The following NBEAL2 variants were observed in gnomAD, a reference collection of about 807,000 sequenced individuals.
The protein encoded by NBEAL2 is neurobeachin like 2, also known as neurobeachin-like protein 2.
In NBEAL2, 160 loss-of-function variants were observed where a neutral mutation model predicts 299.8. That is an observed-to-expected ratio of 0.53 (90% CI 0.47 to 0.61). The LOEUF is 0.61. Among genes scored for constraint, NBEAL2 ranks in the 20% least tolerant of loss-of-function variants. The pLI is 0.00. For missense variants in NBEAL2, 3,112 were observed against 3,649.0 expected, an observed-to-expected ratio of 0.85 and a Z score of 3.79; for synonymous variants, 1,493 against 1,542.3, an observed-to-expected ratio of 0.97 and a Z score of 0.75.
chr3:47,008,645 C>T lies in NBEAL2; in HGVS notation c.8004C>T (p.Ala2668=), dbSNP rs1217615032. The part of the protein sequence containing the change: ...DFVLLGTAQC[A]LHILQLNTLL... ...TGTTGCTGGGCACCGCCCAGTGCGCCCTGCACATCCTCCAACTAAACACGT... is the reference window on the plus strand; with the variant it reads ...TGTTGCTGGGCACCGCCCAGTGCGCTCTGCACATCCTCCAACTAAACACGT... Residue 2668 remains alanine (A), a synonymous_variant, in exon 52 of 54, where the codon GCC becomes GCT. Coordinates refer to ENST00000450053, the MANE Select transcript of NBEAL2 (RefSeq NM_015175.3). 6.2e-7 allele frequency: 1 copy of T among 1,613,374 alleles called. No individual in the cohort carries two copies. Among genetic ancestry groups the T allele is most frequent in the South Asian group, 1.1e-5 (1 of 91,084 alleles).
In NBEAL2 at chr3:47,009,661, C is replaced by T. The variant is rs1045677290; in HGVS notation, c.*341C>T. On this transcript the variant is annotated 3_prime_UTR_variant, in exon 54 of 54. Transcript: ENST00000450053. ...TGGCCTTAATTCCTAACGGCGGCCCCGGTTCTCCCTTCTCGGCAATAAACC... is the reference window on the plus strand; with the variant it reads ...TGGCCTTAATTCCTAACGGCGGCCCTGGTTCTCCCTTCTCGGCAATAAACC... The T allele has an allele frequency of 3.3e-5, 11 of 333,308 alleles. No homozygotes were observed. The Admixed American group carries it at 5.3e-4, about 16-fold the overall frequency. 20.6% of individuals were successfully genotyped at this position (333,308 alleles called of 1,614,324 possible). A position where few individuals can be genotyped will look rare whatever the true frequency, so the allele number is the denominator to read the frequency against.
In NBEAL2 at chr3:46,991,750, A is replaced by G. The variant is rs2036108342; in HGVS notation, c.925+62A>G. The G allele has an allele frequency of 7.7e-6, 12 of 1,567,828 alleles. No homozygotes were observed. Among genetic ancestry groups the G allele is most frequent in the Admixed American group, 1.9e-5 (1 of 53,186 alleles). ...CCATGAGGGAAAAGCCTAAGTGATG[A>G]TGGAAGGTCTGGATAGGGCAGCATA... On this transcript the variant is annotated intron_variant, in intron 8 of 53. Transcript: ENST00000450053. The surrounding 1 kb of genome is among the most constrained non-coding windows in gnomAD (Gnocchi z 6.2).
chr3:47,008,420 G>A lies in NBEAL2; in HGVS notation c.7857G>A (p.Ala2619=), dbSNP rs1393214196. The part of the protein sequence containing the change: ...SEGQIVVQSS[A]WERPGAQVTY... ...GCCAGATTGTGGTACAGAGCTCAGC[G>A]TGGGAACGTCCTGGGGCCCAGGTAT... Residue 2619 remains alanine, a synonymous_variant, in exon 51 of 54, where the codon GCG becomes GCA. Coordinates refer to ENST00000450053, the MANE Select transcript of NBEAL2 (RefSeq NM_015175.3). 6 of 1,613,328 alleles carry A rather than the reference G, an allele frequency of 3.7e-6. No homozygotes were observed. In the African/African-American group the frequency reaches 4.0e-5, roughly 11 times the overall value.
chr3:47,005,703 G>T, intron 41 of NBEAL2, 35 bp from the exon 42 acceptor site: 1 of 1,613,104 alleles, frequency 6.2e-7, no homozygotes, highest in South Asian at 1.1e-5. Flanking sequence ...AGTCGGGATG[G>T]ACAGGGAGAC....
intron 1 of NBEAL2, chr3:46,987,872 A>G (rs1410968422): frequency 2.4e-6 from 1 of 414,484 alleles, no homozygotes; most frequent in East Asian, 1.6e-4. Context: ...ACTGGGGCCC[A>G]GGGTGCCCCG....
rs776748718 is a variant in NBEAL2 at position 47,005,582 on chromosome 3, ATTC to A, written c.6659_6661del (p.Phe2220del). The A allele has an allele frequency of 4.3e-6, 7 of 1,613,272 alleles. No homozygotes were observed. The highest frequency in any genetic ancestry group is 2.2e-5 in the East Asian group (1 of 44,884). ...CCGATGTGAAGGAGCTCATCCCGGA[ATTC>A]TTCTACTTTCCTGACTTCCTGGAGA... is the stretch of plus-strand genomic sequence containing the variant. On this transcript the variant is annotated inframe_deletion, in exon 41 of 54. Coordinates refer to ENST00000450053, the MANE Select transcript of NBEAL2 (RefSeq NM_015175.3).
In NBEAL2 at chr3:47,000,002, C is replaced by A. The variant is rs1359027328; in HGVS notation, c.3903C>A (p.Ser1301Arg). Residue 1301 changes from serine (S) to arginine (R), a missense_variant, in exon 27 of 54, where the codon AGC becomes AGA. This residue lies in a region of NBEAL2 where 2,243 missense variants were observed against 2,538.1 expected (regional missense o/e 0.88). Transcript: ENST00000450053. The surrounding 1 kb of genome is among the most constrained non-coding windows in gnomAD (Gnocchi z 4.5). ...LYVLEAATAGSPPPSSPESPT... is the reference protein window; with the variant it reads ...LYVLEAATAGRPPPSSPESPT... Reference sequence around the variant, plus strand: ...TCCTGGAGGCTGCCACAGCCGGCAGCCCCCCTCCGTCTTCCCCAGAGTCAC... The same window carrying A: ...TCCTGGAGGCTGCCACAGCCGGCAGACCCCCTCCGTCTTCCCCAGAGTCAC... The A allele has an allele frequency of 1.9e-6, 3 of 1,612,132 alleles. No individual in the cohort carries two copies. Among genetic ancestry groups the A allele is most frequent in the South Asian group, 2.2e-5 (2 of 91,076 alleles).
chr3:47,009,205 C>T lies in NBEAL2; in HGVS notation c.8164-14C>T, dbSNP rs942744191. ...CGATCCCAGCTGATCCTACTCAACC[C>T]TTACGCCCACCAGGTGCGCAGCAGC... On this transcript the variant is annotated splice_polypyrimidine_tract_variant and intron_variant, in intron 53 of 53. Coordinates refer to ENST00000450053, the MANE Select transcript of NBEAL2 (RefSeq NM_015175.3). 6.3e-7 allele frequency: 1 copy of T among 1,584,558 alleles called. No homozygotes were observed.
intron 41 of NBEAL2, 46 bp from the exon 42 acceptor site, chr3:47,005,692 C>A: frequency 6.6e-7 from 1 of 1,506,314 alleles, no homozygotes. Flanking sequence ...GGCCAGGGGG[C>A]AGTCGGGATG....
At chr3:46,987,930 C>A in intron 1 of NBEAL2, 1 of 1,189,676 alleles carries the variant, frequency 8.4e-7, no homozygotes. Flanking sequence ...GTCCCCCTCC[C>A]CCACCGTGAC....
Position 46,991,322 on chromosome 3 carries a change from C to T in NBEAL2, c.642+18C>T. 1 of 1,592,686 alleles carries T rather than the reference C, an allele frequency of 6.3e-7. No homozygotes were observed. The highest frequency in any genetic ancestry group is 8.6e-7 in the Non-Finnish European group (1 of 1,169,146). ...GAGGAAAGGTAGGCTGGGAGGTGAGCCTGTGGACTAGAGAGCAGCTCTTTC... is the reference window on the plus strand; with the variant it reads ...GAGGAAAGGTAGGCTGGGAGGTGAGTCTGTGGACTAGAGAGCAGCTCTTTC... On this transcript the variant is annotated intron_variant, in intron 7 of 53. Transcript: ENST00000450053. This position sits in a 1 kb window ranked among gnomAD's most constrained non-coding sequence, Gnocchi z 6.2.
Position 47,001,421 on chromosome 3 carries a change from G to A in NBEAL2, c.4627G>A (p.Glu1543Lys). 6.2e-7 allele frequency: 1 copy of A among 1,612,764 alleles called. No homozygotes were observed. The highest frequency in any genetic ancestry group is 1.1e-5 in the South Asian group (1 of 91,070). ...GTGTGCTGAAGGCCATGGTAACCAG[G>A]AACTGTGGAGTGAGAAGGTGCGACC... The part of the protein sequence containing the change: ...FLCAEGHGNQ[E>K]LWSEKLFEGV... Residue 1543 changes from glutamate (E) to lysine (K), a missense_variant, in exon 29 of 54, where the codon GAA (glutamate) becomes AAA (lysine). By Grantham distance (56) the Glu-to-Lys change is moderately conservative (BLOSUM62 1). This residue lies in a region of NBEAL2 where 2,243 missense variants were observed against 2,538.1 expected (regional missense o/e 0.88). Coordinates refer to ENST00000450053, the MANE Select transcript of NBEAL2 (RefSeq NM_015175.3). This position sits in a 1 kb window ranked among gnomAD's most constrained non-coding sequence, Gnocchi z 6.1.
intron 41 of NBEAL2, 52 bp downstream of exon 41, chr3:47,005,671 G>A (rs2037381295): frequency 1.3e-6 from 2 of 1,589,362 alleles, no homozygotes; most frequent in Non-Finnish European, 1.7e-6. Context: ...ATGGAGAGCA[G>A]ATGGTGGAGT....
chr3:46,996,007 C>G lies in NBEAL2; in HGVS notation c.2107C>G (p.His703Asp), dbSNP rs1354019395. ...CCTGGTCCATGTCTACAAAGACGGCCATCTGGTCAAGACAGCACCCCTTCG... is the reference window on the plus strand; with the variant it reads ...CCTGGTCCATGTCTACAAAGACGGCGATCTGGTCAAGACAGCACCCCTTCG... ...QNLVHVYKDG[H>D]LVKTAPLRCP... Residue 703 changes from histidine (H) to aspartate (D), a missense_variant, in exon 15 of 54, where the codon CAT (histidine) becomes GAT (aspartate). By Grantham distance (81) the His-to-Asp change is moderately conservative. This residue lies in a region of NBEAL2 where 2,243 missense variants were observed against 2,538.1 expected (regional missense o/e 0.88). Transcript: ENST00000450053. 1.9e-6 allele frequency: 3 copies of G among 1,612,382 alleles called. No individual in the cohort carries two copies. Among genetic ancestry groups the G allele is most frequent in the Non-Finnish European group, 2.5e-6 (3 of 1,179,488 alleles).
Position 46,997,605 on chromosome 3 carries a change from C to T in NBEAL2, c.2869C>T (p.Leu957=). Residue 957 remains leucine, a synonymous_variant, in exon 20 of 54, where the codon CTG becomes TTG. Transcript: ENST00000450053. ...CGCAGTGGCTGCTTTTCTGCTGATG[C>T]TGCGGAACTTCCTTCAGGGTCACAT... ...RNAVAAFLLM[L]RNFLQGHMVN... is the part of the protein sequence containing the mutation. The T allele has an allele frequency of 6.2e-7, 1 of 1,600,580 alleles. No homozygotes were observed. The highest frequency in any genetic ancestry group is 1.1e-5 in the South Asian group (1 of 90,380).
At position 47,001,867 on chromosome 3, in the gene NBEAL2, T is replaced by A. The variant is rs1246946851; in HGVS notation, c.4782+41T>A. 9 of 1,609,602 alleles carry A rather than the reference T, an allele frequency of 5.6e-6. No homozygotes were observed. Among genetic ancestry groups the A allele is most frequent in the Non-Finnish European group, 7.6e-6 (9 of 1,176,812 alleles). On this transcript the variant is annotated intron_variant, in intron 30 of 53. Coordinates refer to ENST00000450053, the MANE Select transcript of NBEAL2 (RefSeq NM_015175.3). The surrounding 1 kb of genome is among the most constrained non-coding windows in gnomAD (Gnocchi z 6.1). Reference sequence around the variant, plus strand: ...GCATGGGGGCAGGGGGCGTGTGAGATGTCGGGAGCTCCAAGAGTGGCTGGG... The same window carrying A: ...GCATGGGGGCAGGGGGCGTGTGAGAAGTCGGGAGCTCCAAGAGTGGCTGGG...
intron 1 of NBEAL2, chr3:46,987,969 G>C (rs1045508301): frequency 1.6e-6 from 2 of 1,272,594 alleles, no homozygotes; most frequent in African/African-American, 1.6e-5. Context: ...GCCCCGGGGC[G>C]GGAGGAGACA....
Position 47,003,810 on chromosome 3 carries a change from C to A in NBEAL2, c.5721-6C>A. On this transcript the variant is annotated splice_polypyrimidine_tract_variant and splice_region_variant and intron_variant, in intron 35 of 53. Coordinates refer to ENST00000450053, the MANE Select transcript of NBEAL2 (RefSeq NM_015175.3). This position sits in a 1 kb window ranked among gnomAD's most constrained non-coding sequence, Gnocchi z 7.0. ...CTACAGCGTGAGGTGGGTTGCTGGT[C>A]TTTAGGATGGAGGCAGCAGAACTGG... 1 of 1,592,954 alleles carries A rather than the reference C, an allele frequency of 6.3e-7. No individual in the cohort carries two copies.
At chr3:46,994,599 T>G (rs2036341333) in intron 12 of NBEAL2, 46 bp downstream of exon 12, 1 of 1,485,546 alleles carries the variant, frequency 6.7e-7, no homozygotes, top group Non-Finnish European at 9.2e-7. Flanking sequence ...CAACCAGAAC[T>G]GAGTCAGGGT....
Sources: gnomAD v4.1 joint callset for allele counts on GRCh38, gnomAD v4.1.1 for gene constraint, gnomAD v4.1.1 regional missense constraint, Gnocchi (gnomAD v3.1) non-coding constraint, MANE v1.5 for transcripts, NCBI Gene and HGNC (gene_info 2026-07-23, HGNC 2026-07-21) for gene names.